Variants in C1QTNF7 observed in about 807,000 individuals in gnomAD.
The protein encoded by C1QTNF7 is C1q and TNF related 7.
C1QTNF7 carries 15 observed loss-of-function variants against 19.6 expected under a neutral mutation model. That is an observed-to-expected ratio of 0.76 (90% CI 0.51 to 1.18). The LOEUF is 1.18. Ranked by LOEUF, C1QTNF7 falls within the 50% of genes most tolerant of loss-of-function variation. The probability of loss-of-function intolerance (pLI) is 0.00; values close to 1 mark genes in which losing one functional copy is unlikely to be tolerated. For synonymous variants in C1QTNF7, 142 were observed against 137.5 expected, an observed-to-expected ratio of 1.03 and a Z score of -0.23; for missense variants, 324 against 359.7, an observed-to-expected ratio of 0.90 and a Z score of 0.80.
chr4:15,378,607 A>G (rs1718031106), intron 1 of C1QTNF7, among the ~76,000 whole-genome samples: 1 of 152,182 alleles, frequency 6.6e-6, no homozygotes, highest in South Asian at 2.1e-4. Context: ...TAGGGATTAC[A>G]TTGTTGGAGG....
intron 1 of C1QTNF7, among the ~76,000 whole-genome samples, chr4:15,406,745 A>G (rs910235458): frequency 6.6e-6 from 1 of 152,230 alleles, no homozygotes; most frequent in African/African-American, 2.4e-5. Context: ...ATATTTTACT[A>G]TTTAAAAATT....
intron 1 of C1QTNF7, among the ~76,000 whole-genome samples, chr4:15,356,614 A>C (rs1338531328): frequency 6.6e-6 from 1 of 152,246 alleles, no homozygotes; most frequent in Non-Finnish European, 1.5e-5. Context: ...GTCTATACCC[A>C]GTAATGGGAT....
chr4:15,414,956 C>G (rs568065354), intron 1 of C1QTNF7, among the ~76,000 whole-genome samples: 1 of 152,348 alleles, frequency 6.6e-6, no homozygotes, highest in South Asian at 2.1e-4. Context: ...AGGCCAATGC[C>G]TTGAAACCAA....
intron 2 of C1QTNF7, among the ~76,000 whole-genome samples, chr4:15,438,241 C>T (rs1560371424): frequency 6.6e-6 from 1 of 152,118 alleles, no homozygotes; most frequent in Non-Finnish European, 1.5e-5. Context: ...ATACAATATA[C>T]ACACATAGGA....
chr4:15,394,310 T>G (rs1338012824), intron 1 of C1QTNF7, among the ~76,000 whole-genome samples: 1 of 152,200 alleles, frequency 6.6e-6, no homozygotes, highest in East Asian at 1.9e-4. Flanking sequence ...GAGTGAGCTC[T>G]CAAGAAACAG....
chr4:15,344,884 C>A (rs1472176644), intron 1 of C1QTNF7, among the ~76,000 whole-genome samples: 1 of 152,206 alleles, frequency 6.6e-6, no homozygotes, highest in Non-Finnish European at 1.5e-5. Context: ...GTCTACCTCT[C>A]ATGACTGAGA....
chr4:15,398,736 A>C lies in C1QTNF7; in HGVS notation c.14-37000A>C, dbSNP rs929834385. On this transcript the variant is annotated intron_variant, in intron 1 of 2. Coordinates refer to the C1QTNF7 transcript ENST00000295297. ...GAAAGAATTCAACTGAGGGGCATAA[A>C]GCAGAAGGAGAGACTGAGGCAAGTT... Among the ~76,000 whole-genome samples the C allele has an allele frequency of 2.0e-5, 3 of 152,236 alleles. No homozygotes were observed. In the South Asian group the frequency reaches 6.2e-4, roughly 31 times the overall value.
intron 1 of C1QTNF7, among the ~76,000 whole-genome samples, chr4:15,429,720 T>C (rs1712223198): frequency 6.6e-6 from 1 of 152,188 alleles, no homozygotes; most frequent in African/African-American, 2.4e-5. Context: ...GTTTGAGTCC[T>C]TGCTGCTACG....
chr4:15,374,739 A>T (rs752223766), intron 1 of C1QTNF7: 6 of 984,748 alleles, frequency 6.1e-6, no homozygotes, highest in Non-Finnish European at 7.2e-6. Flanking sequence ...GAGTTCAAAG[A>T]CTCCAGCTGT....
chr4:15,440,950 G>A (rs1322106564), intron 2 of C1QTNF7, among the ~76,000 whole-genome samples: 1 of 152,064 alleles, frequency 6.6e-6, no homozygotes, highest in Admixed American at 6.5e-5. Flanking sequence ...AGACCAGCCT[G>A]GCCAACATGG....
At chr4:15,418,291 G>A (rs893134413) in intron 1 of C1QTNF7, among the ~76,000 whole-genome samples, 5 of 152,020 alleles carry the variant, frequency 3.3e-5, no homozygotes, top group African/African-American at 1.2e-4. Flanking sequence ...CAAAGATCAT[G>A]TTCTCCTCTA....
intron 1 of C1QTNF7, among the ~76,000 whole-genome samples, chr4:15,392,714 C>A (rs937096038): frequency 6.6e-6 from 1 of 152,204 alleles, no homozygotes; most frequent in Admixed American, 6.5e-5. Context: ...GTTTTGCCTC[C>A]CTGTGGGCCT....
intron 1 of C1QTNF7, among the ~76,000 whole-genome samples, chr4:15,369,672 T>C (rs1172908974): frequency 6.6e-6 from 1 of 152,236 alleles, no homozygotes; most frequent in Non-Finnish European, 1.5e-5. Flanking sequence ...AAAAATCTTT[T>C]GTGGTAACTT....
chr4:15,377,695 G>A (rs1276393593), intron 1 of C1QTNF7, among the ~76,000 whole-genome samples: 1 of 152,176 alleles, frequency 6.6e-6, no homozygotes, highest in African/African-American at 2.4e-5. Flanking sequence ...GGGTGGTGGA[G>A]CAGGAAGCAT....
Position 15,445,827 on chromosome 4 carries a change from C to T in C1QTNF7, c.*3028C>T, listed in dbSNP as rs1051328017. The T allele has an allele frequency of 2.0e-5, 3 of 151,914 alleles. No individual in the cohort carries two copies. Among genetic ancestry groups the T allele is most frequent in the Admixed American group, 1.3e-4 (2 of 15,256 alleles). The allele number at this position is 151,914 out of a possible 1,614,324, so 9.4% of individuals were successfully genotyped here. Reference sequence around the variant, plus strand: ...GCAATATTTATTGACTATACACCATCTTGTTCTAGAAGAGTTTAAAGCCAC... The same window carrying T: ...GCAATATTTATTGACTATACACCATTTTGTTCTAGAAGAGTTTAAAGCCAC... On this transcript the variant is annotated 3_prime_UTR_variant, in exon 3 of 3. Coordinates refer to ENST00000444304, the MANE Select transcript of C1QTNF7 (RefSeq NM_031911.5).
At chr4:15,414,569 G>A (rs955071803) in intron 1 of C1QTNF7, among the ~76,000 whole-genome samples, 3 of 151,872 alleles carry the variant, frequency 2.0e-5, no homozygotes, top group Admixed American at 6.6e-5. Flanking sequence ...CCTGCATCTC[G>A]GTGGTTATAA....
intron 1 of C1QTNF7, among the ~76,000 whole-genome samples, chr4:15,433,129 A>T (rs4698109): frequency 0.64 from 97,401 of 152,004 alleles, 32,646 homozygotes; most frequent in Non-Finnish European, 0.74. Flanking sequence ...GGCCTCAGCC[A>T]ATAGCCTTGC....
intron 1 of C1QTNF7, among the ~76,000 whole-genome samples, chr4:15,368,141 T>G (rs1717594882): frequency 6.6e-6 from 1 of 152,180 alleles, no homozygotes. Flanking sequence ...TTTTCTAGAC[T>G]TTTACAAGTA....
intron 1 of C1QTNF7, among the ~76,000 whole-genome samples, chr4:15,382,462 A>G (rs1391358283): frequency 6.6e-6 from 1 of 152,212 alleles, no homozygotes; most frequent in African/African-American, 2.4e-5. Flanking sequence ...TTCACGAATG[A>G]ATGCTGCAAC....
Sources: gnomAD v4.1 joint callset for allele counts (sites outside exome capture counted in the v4.1 genomes callset) on GRCh38, gnomAD v4.1.1 for gene constraint, MANE v1.5 for transcripts, NCBI Gene and HGNC (gene_info 2026-07-23, HGNC 2026-07-21) for gene names.